The following SYTL3 variants were observed in gnomAD, a reference collection of about 807,000 sequenced individuals.
SYTL3 encodes synaptotagmin-like protein 3.
A neutral mutation model predicts 82.1 loss-of-function variants in SYTL3; 88 were observed. That is an observed-to-expected ratio of 1.07 (90% CI 0.90 to 1.28). The LOEUF (loss-of-function observed/expected upper bound fraction) is 1.28. Ranked by LOEUF, SYTL3 falls within the 50% of genes most tolerant of loss-of-function variation. The pLI is 0.00. For missense variants in SYTL3, 831 were observed against 757.6 expected (o/e 1.10, Z -1.14); for synonymous variants, 311 against 289.4 (o/e 1.07, Z -0.76).
At chr6:158,651,863 A>T (rs909203333) in intron 2 of SYTL3, 21 bp downstream of exon 2, 56 of 151,670 alleles carry the variant, frequency 3.7e-4, no homozygotes, top group Admixed American at 1.2e-3. Context: ...AGTTTTATAG[A>T]TTCAAGCCCA....
At chr6:158,668,360 C>T (rs1790346919) in intron 5 of SYTL3, among the ~76,000 whole-genome samples, 2 of 152,180 alleles carry the variant, frequency 1.3e-5, no homozygotes. Flanking sequence ...TCCCAAGTAG[C>T]TGGGATTGCA....
rs919155027 is a variant in SYTL3, at chr6:158,661,385, G to A, written c.-520G>A. The A allele has an allele frequency of 6.6e-6, 1 of 152,190 alleles. No homozygotes were observed. The highest frequency in any genetic ancestry group is 2.4e-5 in the African/African-American group (1 of 41,420). 9.4% of individuals were successfully genotyped at this position (152,190 alleles called of 1,614,324 possible). On this transcript the variant is annotated splice_region_variant and 5_prime_UTR_variant, in exon 3 of 18. Transcript: ENST00000611299. The stretch of plus-strand genomic sequence containing the variant: ...GCATAGTCAGGTACCAGCCCAGCCA[G>A]GTAAGAACCTAAAGTCCTTGTTGCT...
chr6:158,677,491 G>A (rs1778181944), intron 5 of SYTL3, among the ~76,000 whole-genome samples: 1 of 151,876 alleles, frequency 6.6e-6, no homozygotes, highest in South Asian at 2.1e-4. Context: ...CATGGCACAT[G>A]TATACATATG....
intron 15 of SYTL3, among the ~76,000 whole-genome samples, chr6:158,761,325 C>T (rs1236956574): frequency 5.9e-5 from 2 of 33,924 alleles, no homozygotes; most frequent in East Asian, 3.4e-4. Context: ...TTTTTTGAGA[C>T]AGAGTTTTGC....
In SYTL3 at chr6:158,764,461, C is replaced by T. The variant is rs375461335; in HGVS notation, c.1724-34C>T. 34 of 1,544,714 alleles carry T rather than the reference C, an allele frequency of 2.2e-5. No individual in the cohort carries two copies. In the African/African-American group the frequency reaches 4.5e-4, roughly 20 times the overall value. ...GAGAGGGGATGAAGTGGTGCCCTCC[C>T]CGACCATGGCTAAATTGTCTTCCTC... On this transcript the variant is annotated intron_variant, in intron 17 of 17. Transcript: ENST00000611299.
At chr6:158,672,613 A>C (rs1432630348) in intron 5 of SYTL3, among the ~76,000 whole-genome samples, 1 of 102,142 alleles carries the variant, frequency 9.8e-6, no homozygotes, top group South Asian at 2.9e-4. Flanking sequence ...CTTTTTATTT[A>C]GTTGGTTTTT....
chr6:158,671,747 A>AAG (rs1554243606), intron 5 of SYTL3, among the ~76,000 whole-genome samples: 1,616 of 149,110 alleles, frequency 0.011, 32 homozygotes, highest in African/African-American at 0.034. Flanking sequence ...AAAAAAAAAA[A>AAG]AAGATAATTA....
chr6:158,711,739 G>A (rs34451446), intron 8 of SYTL3, among the ~76,000 whole-genome samples: 53,771 of 152,052 alleles, frequency 0.35, 9,990 homozygotes, highest in Non-Finnish European at 0.39. Flanking sequence ...TCAACAAGGG[G>A]TGGATTATTC....
intron 4 of SYTL3, among the ~76,000 whole-genome samples, chr6:158,664,144 A>G (rs760514426): frequency 1.3e-5 from 2 of 152,218 alleles, no homozygotes; most frequent in Non-Finnish European, 2.9e-5. Context: ...AAAACTTTGG[A>G]CAACCAAATG....
intron 6 of SYTL3, among the ~76,000 whole-genome samples, chr6:158,684,715 TG>T (rs1201526789): frequency 6.6e-6 from 1 of 152,056 alleles, no homozygotes; most frequent in African/African-American, 2.4e-5. Context: ...GCCATTCATT[TG>T]GGTTGATATT....
In SYTL3 at chr6:158,725,538, T is replaced by A; in HGVS notation, c.756T>A (p.Asn252Lys). The A allele has an allele frequency of 6.2e-7, 1 of 1,614,148 alleles. No homozygotes were observed. The highest frequency in any genetic ancestry group is 1.1e-5 in the South Asian group (1 of 91,080). ...CACCAGATATTCTGAAACCTCTCAA[T>A]CAAGAGGATCCCAAATGCTCTACTA... The part of the protein sequence containing the change: ...VSAPDILKPL[N>K]QEDPKCSTNP... The change falls in exon 11 of 18, where the codon AAT becomes AAA. Residue 252 changes from asparagine to lysine, a missense_variant. Transcript: ENST00000611299.
chr6:158,645,387 A>G (rs760447543), upstream of SYTL3, among the ~76,000 whole-genome samples: 1 of 152,220 alleles, frequency 6.6e-6, no homozygotes, highest in Non-Finnish European at 1.5e-5. Flanking sequence ...TAGGAATTGC[A>G]CTGGGCTCTG....
At chr6:158,699,391 A>G (rs1780911575) in intron 6 of SYTL3, among the ~76,000 whole-genome samples, 1 of 152,222 alleles carries the variant, frequency 6.6e-6, no homozygotes. Flanking sequence ...TGAGATGGTC[A>G]TCCATGTATA....
At chr6:158,707,395 ACT>A (rs1782221852) in intron 7 of SYTL3, 114 bp downstream of exon 7, 9 of 736,990 alleles carry the variant, frequency 1.2e-5, no homozygotes, top group African/African-American at 1.9e-5. Flanking sequence ...TTGGAATGTG[ACT>A]CTTTTTTTTT....
At chr6:158,718,938 C>T (rs776203507) in intron 10 of SYTL3, among the ~76,000 whole-genome samples, 4 of 152,162 alleles carry the variant, frequency 2.6e-5, no homozygotes, top group Non-Finnish European at 4.4e-5. Flanking sequence ...CAGGCTGTCC[C>T]CAGACAGACT....
chr6:158,760,113 T>C (rs1315394828), intron 14 of SYTL3, among the ~76,000 whole-genome samples: 1 of 151,984 alleles, frequency 6.6e-6, no homozygotes, highest in African/African-American at 2.4e-5. Flanking sequence ...GTAAAACCAC[T>C]CATGACAGAA....
At chr6:158,717,372 C>T (rs1261302567) in intron 9 of SYTL3, among the ~76,000 whole-genome samples, 1 of 151,680 alleles carries the variant, frequency 6.6e-6, no homozygotes, top group Non-Finnish European at 1.5e-5. Flanking sequence ...GTGTGACTTG[C>T]ATTGTCTCTC....
chr6:158,676,862 T>C (rs1206317892), intron 5 of SYTL3, among the ~76,000 whole-genome samples: 1 of 152,022 alleles, frequency 6.6e-6, no homozygotes, highest in Non-Finnish European at 1.5e-5. Flanking sequence ...TGAGATACCA[T>C]CTCACACCAG....
At chr6:158,760,852 C>A in intron 15 of SYTL3, 107 bp downstream of exon 15, 1 of 876,806 alleles carries the variant, frequency 1.1e-6, no homozygotes, top group Non-Finnish European at 1.8e-6. Context: ...TTCCTTTCTA[C>A]GTCCCCGTGC....
Sources: allele counts gnomAD v4.1 joint callset (sites outside exome capture counted in the v4.1 genomes callset), GRCh38; gene constraint gnomAD v4.1.1; transcripts MANE v1.5; gene names NCBI Gene and HGNC (gene_info 2026-07-23, HGNC 2026-07-21).